Variants in HOMER1 observed in about 807,000 individuals in gnomAD.
The protein encoded by HOMER1 is homer scaffold protein 1.
HOMER1 carries 3 observed loss-of-function variants against 48.9 expected under a neutral mutation model. The ratio of observed to expected loss-of-function variants is 0.06; its 90% CI spans 0.03 to 0.16. The LOEUF is 0.16. Ranked by LOEUF, HOMER1 falls within the 10% of genes least tolerant of loss-of-function variation. The pLI, the probability that HOMER1 is intolerant of heterozygous loss-of-function variation, is 1.00. For missense variants in HOMER1, 247 were observed against 411.4 expected, an observed-to-expected ratio of 0.60 and a Z score of 3.46; for synonymous variants, 134 against 146.4, an observed-to-expected ratio of 0.92 and a Z score of 0.61.
At chr5:79,495,578 A>G (rs1258348115) in intron 1 of HOMER1, among the ~76,000 whole-genome samples, 2 of 152,224 alleles carry the variant, frequency 1.3e-5, no homozygotes, top group African/African-American at 4.8e-5. Context: ...TCACGACACA[A>G]ATTAAGTGCT....
At chr5:79,379,202 ATT>A (rs557427406) in intron 8 of HOMER1, among the ~76,000 whole-genome samples, 17,481 of 103,900 alleles carry the variant, frequency 0.17, 1,858 homozygotes, top group South Asian at 0.23. Flanking sequence ...TATAATATAT[ATT>A]ATATATATTT....
At chr5:79,416,223 T>C (rs1025927639) in intron 5 of HOMER1, among the ~76,000 whole-genome samples, 1 of 152,242 alleles carries the variant, frequency 6.6e-6, no homozygotes, top group South Asian at 2.1e-4. Context: ...ATGATTTATA[T>C]TGTCATTCTT....
At chr5:79,386,054 A>AT (rs550365886) in intron 8 of HOMER1, among the ~76,000 whole-genome samples, 5,313 of 150,428 alleles carry the variant, frequency 0.035, 138 homozygotes, top group Admixed American at 0.071. Flanking sequence ...ACTATTTGAG[A>AT]TTTTTTTTTT....
chr5:79,490,793 C>A (rs1326366106), intron 1 of HOMER1, among the ~76,000 whole-genome samples: 16 of 123,750 alleles, frequency 1.3e-4, no homozygotes, highest in South Asian at 4.6e-4. Context: ...AAAAAAAAAA[C>A]CATAAAAAAA....
intron 5 of HOMER1, among the ~76,000 whole-genome samples, chr5:79,429,923 TGA>T (rs1750372819): frequency 2.0e-5 from 3 of 151,472 alleles, no homozygotes; most frequent in Admixed American, 1.3e-4. Flanking sequence ...CTCGGGAGGC[TGA>T]GGCAGGGGAA....
intron 8 of HOMER1, among the ~76,000 whole-genome samples, chr5:79,385,842 CAAAAAAAAAAA>C (rs33968519): frequency 4.2e-5 from 3 of 70,794 alleles, no homozygotes; most frequent in South Asian, 7.9e-4. Context: ...GACTCTGTCT[CAAAAAAAAAAA>C]AAAAAAAAAA....
At chr5:79,389,904 AC>A (rs1375363105) in intron 8 of HOMER1, among the ~76,000 whole-genome samples, 1 of 152,184 alleles carries the variant, frequency 6.6e-6, no homozygotes, top group African/African-American at 2.4e-5. Flanking sequence ...CAACCAAAAA[AC>A]AGGGAGAGAA....
rs1750679151 is a variant in HOMER1 at position 79,439,237 on chromosome 5, T to C, written c.388-88A>G. On this transcript the variant is annotated intron_variant, in intron 4 of 8. Coordinates refer to ENST00000334082, the MANE Select transcript of HOMER1 (RefSeq NM_004272.5). Reference sequence around the variant, plus strand: ...CTTGAGGTTAAAACTGCCTTTGATGTATGCTTACTGATGAACCAAATTTCA... The same window carrying C: ...CTTGAGGTTAAAACTGCCTTTGATGCATGCTTACTGATGAACCAAATTTCA... 8.9e-6 allele frequency: 11 copies of C among 1,238,468 alleles called. No individual in the cohort carries two copies. The South Asian group carries it at 1.2e-4, about 14-fold the overall frequency. The allele number at this position is 1,238,468 out of a possible 1,614,324, so 76.7% of individuals were successfully genotyped here.
chr5:79,425,434 GC>G (rs373057248), intron 5 of HOMER1, among the ~76,000 whole-genome samples: 22 of 152,084 alleles, frequency 1.4e-4, no homozygotes, highest in African/African-American at 5.1e-4. Flanking sequence ...GGTGTGTTAT[GC>G]TTTTTCTTTA....
intron 1 of HOMER1, among the ~76,000 whole-genome samples, chr5:79,503,532 G>GA (rs1561390633): frequency 1.1e-4 from 10 of 94,022 alleles, no homozygotes; most frequent in Admixed American, 2.2e-4. Context: ...CTGTCACAAA[G>GA]AGAAAAAAAA....
chr5:79,404,805 G>A (rs1561350639), intron 5 of HOMER1, among the ~76,000 whole-genome samples: 1 of 151,808 alleles, frequency 6.6e-6, no homozygotes, highest in Non-Finnish European at 1.5e-5. Flanking sequence ...CCAGGTTCAA[G>A]CGATTCTCCT....
intron 3 of HOMER1, among the ~76,000 whole-genome samples, chr5:79,448,650 G>A (rs1004733952): frequency 6.6e-6 from 1 of 152,012 alleles, no homozygotes; most frequent in African/African-American, 2.4e-5. Context: ...GCTTTTAACT[G>A]ATAAAACAAG....
rs1048398114 is a variant in HOMER1 at position 79,403,974 on chromosome 5, G to C, written c.528-1919C>G. ...AAAGCTCTTTTCTTATTCTTCCTTTGTGAAATGATTTTTCAGATTCATGTC... is the reference window on the plus strand; with the variant it reads ...AAAGCTCTTTTCTTATTCTTCCTTTCTGAAATGATTTTTCAGATTCATGTC... On this transcript the variant is annotated intron_variant, in intron 5 of 8. Transcript: ENST00000334082. Among the ~76,000 whole-genome samples, 5 of 152,068 alleles carry C rather than the reference G, an allele frequency of 3.3e-5. No individual in the cohort carries two copies. In the East Asian group the frequency reaches 9.6e-4, roughly 29 times the overall value.
rs568762034 is a variant in HOMER1, at chr5:79,414,725, C to T, written c.528-12670G>A. Among the ~76,000 whole-genome samples, 4 of 152,172 alleles carry T rather than the reference C, an allele frequency of 2.6e-5. No individual in the cohort carries two copies. In the East Asian group the frequency reaches 7.7e-4, roughly 29 times the overall value. On this transcript the variant is annotated intron_variant, in intron 5 of 8. Coordinates refer to ENST00000334082, the MANE Select transcript of HOMER1 (RefSeq NM_004272.5). ...TGCTGGCACCTGCTTCTAAATGCCA[C>T]CTCCTCTGGTCCTTGTTTTTTTCTT...
chr5:79,467,984 T>C (rs1751522854), intron 1 of HOMER1, among the ~76,000 whole-genome samples: 1 of 152,146 alleles, frequency 6.6e-6, no homozygotes, highest in East Asian at 1.9e-4. Context: ...CTGTTACCCA[T>C]GCTGGTCTCA....
intron 5 of HOMER1, among the ~76,000 whole-genome samples, chr5:79,412,121 AAAATT>A (rs1232340138): frequency 6.6e-6 from 1 of 152,230 alleles, no homozygotes; most frequent in African/African-American, 2.4e-5. Flanking sequence ...TCCATCTCAA[AAAATT>A]AAATTAAATT....
chr5:79,437,497 TTCAG>T (rs1303000824), intron 5 of HOMER1, among the ~76,000 whole-genome samples: 1 of 152,210 alleles, frequency 6.6e-6, no homozygotes, highest in African/African-American at 2.4e-5. Flanking sequence ...TTTTCATGTG[TTCAG>T]TCATCTTTAT....
At chr5:79,413,587 A>C (rs1749864859) in intron 5 of HOMER1, among the ~76,000 whole-genome samples, 2 of 147,306 alleles carry the variant, frequency 1.4e-5, no homozygotes, top group African/African-American at 2.5e-5. Context: ...TCACGCCCCC[A>C]CCCCCTACCC....
At chr5:79,402,167 T>TA in intron 5 of HOMER1, 112 bp from the exon 6 acceptor site, 8 of 907,750 alleles carry the variant, frequency 8.8e-6, no homozygotes, top group Admixed American at 3.1e-5. Flanking sequence ...TGTTTTCTTT[T>TA]CTTTTTTTTT....
Sources: gnomAD v4.1 joint callset for allele counts (sites outside exome capture counted in the v4.1 genomes callset) on GRCh38, gnomAD v4.1.1 for gene constraint, MANE v1.5 for transcripts, NCBI Gene and HGNC (gene_info 2026-07-23, HGNC 2026-07-21) for gene names.